The following FAM180A variants were observed in gnomAD, a reference collection of about 807,000 sequenced individuals.
FAM180A encodes protein FAM180A.
A neutral mutation model predicts 15.3 loss-of-function variants in FAM180A; 14 were observed. That is an observed-to-expected ratio of 0.92 (90% CI 0.61 to 1.43). FAM180A has a LOEUF of 1.43. FAM180A is among the 40% of genes most tolerant of loss of function. The pLI, the probability that FAM180A is intolerant of heterozygous loss-of-function variation, is 0.00. For synonymous variants in FAM180A, 90 were observed against 96.8 expected (o/e 0.93, Z 0.41); for missense variants, 200 against 220.8 (o/e 0.91, Z 0.60).
chr7:135,745,135 G>A (rs558048483), intron 1 of FAM180A, among the ~76,000 whole-genome samples: 64 of 151,694 alleles, frequency 4.2e-4, no homozygotes, highest in Non-Finnish European at 8.4e-4. Context: ...AATTATAGGC[G>A]TGCACCACCG....
intron 1 of FAM180A, among the ~76,000 whole-genome samples, 162 bp from the exon 2 acceptor site, chr7:135,737,361 C>T (rs140040165): frequency 4.6e-5 from 7 of 151,872 alleles, no homozygotes; most frequent in Non-Finnish European, 5.9e-5. Flanking sequence ...CCGAGGCGGG[C>T]GGATCACCTG....
At chr7:135,739,471 G>C (rs1407415644) in intron 1 of FAM180A, among the ~76,000 whole-genome samples, 1 of 151,640 alleles carries the variant, frequency 6.6e-6, no homozygotes, top group Non-Finnish European at 1.5e-5. Context: ...AATTAGCCGG[G>C]TGTGGTGGCA....
chr7:135,746,959 G>A (rs1259278655), intron 1 of FAM180A, among the ~76,000 whole-genome samples: 2 of 152,070 alleles, frequency 1.3e-5, no homozygotes, highest in African/African-American at 2.4e-5. Context: ...AATTAGCCAG[G>A]CGTGGTGGTG....
chr7:135,731,481 A>AT (rs1424475316), intron 3 of FAM180A, among the ~76,000 whole-genome samples: 1 of 152,008 alleles, frequency 6.6e-6, no homozygotes, highest in Middle Eastern at 3.2e-3. Context: ...CAAAAAACAG[A>AT]TACAGAGATA....
At chr7:135,736,293 T>C (rs2129496002) in intron 2 of FAM180A, among the ~76,000 whole-genome samples, 1 of 152,358 alleles carries the variant, frequency 6.6e-6, no homozygotes, top group African/African-American at 2.4e-5. Context: ...AGTGCTGGGA[T>C]TACAGGCGTA....
At chr7:135,742,461 C>CTA (rs1378379404) in intron 1 of FAM180A, among the ~76,000 whole-genome samples, 1 of 152,204 alleles carries the variant, frequency 6.6e-6, no homozygotes. Flanking sequence ...TTTCCTGAGA[C>CTA]TCAATGGTCA....
chr7:135,733,749 CCATTCCAGCCCTT>C lies in FAM180A; in HGVS notation c.*213_*225del. ...CTGCCCATGGAGGCGTCTTGAATGA[CCATTCCAGCCCTT>C]TCTTCCAGCCCAGGTCACATGATGG... is the stretch of plus-strand genomic sequence containing the variant. On this transcript the variant is annotated 3_prime_UTR_variant, in exon 3 of 4. Coordinates refer to ENST00000338588, the MANE Select transcript of FAM180A (RefSeq NM_205855.4). 1 of 1,348,050 alleles carries C rather than the reference CCATTCCAGCCCTT, an allele frequency of 7.4e-7. No individual in the cohort carries two copies. The highest frequency in any genetic ancestry group is 9.5e-7 in the Non-Finnish European group (1 of 1,055,508). 83.5% of individuals were successfully genotyped at this position (1,348,050 alleles called of 1,614,324 possible).
intron 1 of FAM180A, among the ~76,000 whole-genome samples, chr7:135,737,848 T>C (rs770446607): frequency 6.6e-6 from 1 of 152,166 alleles, no homozygotes; most frequent in Non-Finnish European, 1.5e-5. Flanking sequence ...ATGCATGCCT[T>C]AGGAAATTTA....
chr7:135,741,612 C>T (rs1390711745), intron 1 of FAM180A, among the ~76,000 whole-genome samples: 1 of 151,812 alleles, frequency 6.6e-6, no homozygotes, highest in Non-Finnish European at 1.5e-5. Context: ...TAACTTGAAC[C>T]CAGGAATTTG....
At chr7:135,745,488 T>TG (rs1797019593) in intron 1 of FAM180A, among the ~76,000 whole-genome samples, 1 of 151,720 alleles carries the variant, frequency 6.6e-6, no homozygotes, top group Admixed American at 6.6e-5. Flanking sequence ...TGTGTGTGTG[T>TG]TTCTGTGTGT....
intron 3 of FAM180A, among the ~76,000 whole-genome samples, chr7:135,733,174 G>T (rs1168378092): frequency 6.6e-6 from 1 of 152,086 alleles, no homozygotes; most frequent in African/African-American, 2.4e-5. Flanking sequence ...TATATCCTTG[G>T]CAAATAATAT....
At position 135,730,737 on chromosome 7, in the gene FAM180A, TTGTC is replaced by T. The variant is rs1796768970; in HGVS notation, c.*330-460_*330-457del. Among the ~76,000 whole-genome samples the T allele has an allele frequency of 2.0e-5, 3 of 152,284 alleles. No homozygotes were observed. The South Asian group carries it at 6.2e-4, about 32-fold the overall frequency. On this transcript the variant is annotated intron_variant, in intron 3 of 3. Coordinates refer to ENST00000338588, the MANE Select transcript of FAM180A (RefSeq NM_205855.4). ...AATGAGGCAAAATAGGAGACCCTGTTTGTCTGTCTAGTCTACATTTCTACTACTC... is the reference window on the plus strand; with the variant it reads ...AATGAGGCAAAATAGGAGACCCTGTTTGTCTAGTCTACATTTCTACTACTC...
At chr7:135,739,437 C>T (rs939054485) in intron 1 of FAM180A, among the ~76,000 whole-genome samples, 4 of 151,400 alleles carry the variant, frequency 2.6e-5, no homozygotes, top group African/African-American at 9.7e-5. Context: ...GGTGAAACCC[C>T]ATCTCTACTA....
intron 2 of FAM180A, among the ~76,000 whole-genome samples, chr7:135,736,116 G>C (rs905358188): frequency 6.6e-6 from 1 of 151,294 alleles, no homozygotes; most frequent in African/African-American, 2.4e-5. Flanking sequence ...TCCACCTCCC[G>C]GGTTCCAGTG....
intron 1 of FAM180A, among the ~76,000 whole-genome samples, chr7:135,740,291 G>A (rs141988351): frequency 1.3e-5 from 2 of 152,174 alleles, no homozygotes; most frequent in Non-Finnish European, 2.9e-5. Flanking sequence ...AACACATTAC[G>A]ATTTTGTAAA....
At chr7:135,748,110 G>C (rs949870799) in intron 1 of FAM180A, among the ~76,000 whole-genome samples, 3 of 152,188 alleles carry the variant, frequency 2.0e-5, no homozygotes, top group Non-Finnish European at 4.4e-5. Flanking sequence ...GCAGGCCTTT[G>C]GCATCCCAGT....
intron 1 of FAM180A, among the ~76,000 whole-genome samples, chr7:135,742,927 C>A (rs1193011111): frequency 6.6e-6 from 1 of 152,176 alleles, no homozygotes; most frequent in African/African-American, 2.4e-5. Flanking sequence ...ATCCAGATCT[C>A]CAAGGCTCCA....
chr7:135,730,192 T>A lies in FAM180A; in HGVS notation c.*419A>T. On this transcript the variant is annotated 3_prime_UTR_variant, in exon 4 of 4. Transcript: ENST00000338588. ...CAGTTAAATGTCTGTTGATGTCTCT[T>A]GAGTGACATTGGAGATAGCTGTGAG... The A allele has an allele frequency of 1.0e-6, 1 of 985,368 alleles. No individual in the cohort carries two copies. The highest frequency in any genetic ancestry group is 1.2e-6 in the Non-Finnish European group (1 of 829,916). The allele number at this position is 985,368 out of a possible 1,614,324, so 61.0% of individuals were successfully genotyped here.
intron 1 of FAM180A, among the ~76,000 whole-genome samples, chr7:135,744,623 G>C (rs778621837): frequency 6.6e-6 from 1 of 152,202 alleles, no homozygotes; most frequent in Non-Finnish European, 1.5e-5. Context: ...CCATGTAGGG[G>C]GGAGCTTGGG....
Sources: gnomAD v4.1 joint callset for allele counts (sites outside exome capture counted in the v4.1 genomes callset) on GRCh38, gnomAD v4.1.1 for gene constraint, MANE v1.5 for transcripts, NCBI Gene and HGNC (gene_info 2026-07-23, HGNC 2026-07-21) for gene names.